BOD1L1: variants seen among roughly 807,000 people sequenced by gnomAD.
The protein encoded by BOD1L1 is biorientation of chromosomes in cell division 1 like 1, also known as biorientation of chromosomes in cell division protein 1-like 1.
In BOD1L1, 86 loss-of-function variants were observed where a neutral mutation model predicts 240.7. That is an observed-to-expected ratio of 0.36 (90% confidence interval 0.30 to 0.43). The LOEUF (loss-of-function observed/expected upper bound fraction) is 0.43. BOD1L1 is among the 20% of genes least tolerant of loss of function. BOD1L1 has a pLI of 1.00. For missense variants in BOD1L1, 3,554 were observed against 3,643.5 expected (o/e 0.98, Z 0.63); for synonymous variants, 1,268 against 1,272.3 (o/e 1.00, Z 0.07).
In BOD1L1 at chr4:13,600,429, G is replaced by A; in HGVS notation, c.6471C>T (p.Ser2157=). 6.2e-7 allele frequency: 1 copy of A among 1,613,892 alleles called. No individual in the cohort carries two copies. Among genetic ancestry groups the A allele is most frequent in the Non-Finnish European group, 8.5e-7 (1 of 1,179,886 alleles). The stretch of plus-strand genomic sequence containing the variant: ...CAGCACACTTGATGGTTGTTGCACT[G>A]GAGATAGGCAATTCGAATTCTTCCC... ...SIGEEFELPI[S]SATTIKCAES... is the part of the protein sequence containing the mutation. Residue 2157 remains serine, a synonymous_variant, in exon 10 of 26, where the codon TCC becomes TCT. Transcript: ENST00000040738.
intron 2 of BOD1L1, among the ~76,000 whole-genome samples, chr4:13,619,123 G>T (rs994852321): frequency 6.6e-6 from 1 of 151,992 alleles, no homozygotes; most frequent in African/African-American, 2.4e-5. Context: ...AGGATTTGGA[G>T]ACCAGTCTGG....
chr4:13,588,105 G>A (rs548390117), intron 15 of BOD1L1, among the ~76,000 whole-genome samples: 15 of 151,154 alleles, frequency 9.9e-5, no homozygotes, highest in African/African-American at 2.7e-4. Context: ...GGAGAATGGC[G>A]TGAACCCCGG....
rs773695033 is a variant in BOD1L1 at position 13,570,135 on chromosome 4, T to G, written c.9039-7A>C. On this transcript the variant is annotated splice_region_variant and splice_polypyrimidine_tract_variant and intron_variant, in intron 25 of 25. Coordinates refer to ENST00000040738, the MANE Select transcript of BOD1L1 (RefSeq NM_148894.3). The stretch of plus-strand genomic sequence containing the variant: ...GGAGAGCTGTGTCTTTGATCTGCAT[T>G]AAGCAAAGTCAAGGCAATGGTGAGG... The G allele has an allele frequency of 3.2e-6, 5 of 1,558,192 alleles. No homozygotes were observed. Among genetic ancestry groups the G allele is most frequent in the Non-Finnish European group, 4.3e-6 (5 of 1,156,004 alleles).
chr4:13,600,016 G>C lies in BOD1L1; in HGVS notation c.6884C>G (p.Thr2295Arg). Residue 2295 changes from threonine to arginine, a missense_variant, in exon 10 of 26, where the codon ACA (threonine) becomes AGA (arginine). Coordinates refer to ENST00000040738, the MANE Select transcript of BOD1L1 (RefSeq NM_148894.3). ...EEMGDTAMISTSTSEGCEAVM... is the reference protein window; with the variant it reads ...EEMGDTAMISRSTSEGCEAVM... Reference sequence around the variant, plus strand: ...TGCTTCACACCCTTCAGAGGTGCTTGTGGAAATCATGGCGGTGTCACCCAT... The same window carrying C: ...TGCTTCACACCCTTCAGAGGTGCTTCTGGAAATCATGGCGGTGTCACCCAT... 2 of 1,610,364 alleles carry C rather than the reference G, an allele frequency of 1.2e-6. No homozygotes were observed. Among genetic ancestry groups the C allele is most frequent in the South Asian group, 1.1e-5 (1 of 90,314 alleles).
In BOD1L1 at chr4:13,601,713, A is replaced by G. The variant is rs1715193358; in HGVS notation, c.5187T>C (p.Cys1729=). ...TATCACTTCTGCCTTCTGCTCCTGTACATGTCACAGTGCCCTCTGTTTCTT... is the reference window on the plus strand; with the variant it reads ...TATCACTTCTGCCTTCTGCTCCTGTGCATGTCACAGTGCCCTCTGTTTCTT... ...PKKETEGTVT[C]TGAEGRSDNF... The change falls in exon 10 of 26, where the codon TGT becomes TGC. Residue 1729 remains cysteine, a synonymous_variant. Coordinates refer to ENST00000040738, the MANE Select transcript of BOD1L1 (RefSeq NM_148894.3). The G allele has an allele frequency of 6.2e-7, 1 of 1,613,868 alleles. No homozygotes were observed. Among genetic ancestry groups the G allele is most frequent in the African/African-American group, 1.3e-5 (1 of 74,914 alleles).
Position 13,598,689 on chromosome 4 carries a change from G to A in BOD1L1, c.7954+257C>T, listed in dbSNP as rs528913688. On this transcript the variant is annotated intron_variant, in intron 10 of 25. Coordinates refer to ENST00000040738, the MANE Select transcript of BOD1L1 (RefSeq NM_148894.3). ...TAACATGTGGACTTCCCATGCCTCA[G>A]CCTCCTGCTTTTTCTCTCCCCACAC... Among the ~76,000 whole-genome samples, 21 of 152,258 alleles carry A rather than the reference G, an allele frequency of 1.4e-4. 1 individual carries two copies. In the South Asian group the frequency reaches 4.4e-3, roughly 32 times the overall value.
rs1421934881 is a variant in BOD1L1, at chr4:13,603,894, C to T, written c.3006G>A (p.Lys1002=). 2 of 1,613,808 alleles carry T rather than the reference C, an allele frequency of 1.2e-6. No homozygotes were observed. Among genetic ancestry groups the T allele is most frequent in the Admixed American group, 1.7e-5 (1 of 60,014 alleles). Residue 1002 remains lysine (K), a synonymous_variant, in exon 10 of 26, where the codon AAG becomes AAA. Coordinates refer to ENST00000040738, the MANE Select transcript of BOD1L1 (RefSeq NM_148894.3). ...AKLPLAKEKY[K]SDKDSTSTRL... ...TGGTGGAAGTGGAGTCTTTATCACT[C>T]TTATATTTCTCCTTTGCTAATGGTA...
chr4:13,620,150 A>G, intron 1 of BOD1L1, 83 bp from the exon 2 acceptor site: 5 of 1,375,276 alleles, frequency 3.6e-6, no homozygotes, highest in Non-Finnish European at 4.9e-6. Flanking sequence ...TTACCATGGG[A>G]CAACAAAGTT....
At chr4:13,585,289 T>A (rs1427095417) in intron 17 of BOD1L1, among the ~76,000 whole-genome samples, 5 of 152,202 alleles carry the variant, frequency 3.3e-5, no homozygotes, top group African/African-American at 1.2e-4. Context: ...AAAGTCTGGT[T>A]TTAGAGAACT....
rs1258568969 is a variant in BOD1L1, at chr4:13,613,930, T to A, written c.1174+266A>T. 1.3e-5 allele frequency among the ~76,000 whole-genome samples: 2 copies of A among 152,160 alleles called. No homozygotes were observed. The highest frequency in any genetic ancestry group is 2.9e-5 in the Non-Finnish European group (2 of 68,028). ...CCTAATAAAAATTAGGATATCCAAC[T>A]ATGAACTAAGTTGCTTAAAATAATG... is the stretch of plus-strand genomic sequence containing the variant. On this transcript the variant is annotated intron_variant, in intron 4 of 25. Coordinates refer to ENST00000040738, the MANE Select transcript of BOD1L1 (RefSeq NM_148894.3). The surrounding 1 kb of genome is among the most constrained non-coding windows in gnomAD (Gnocchi z 4.0).
intron 12 of BOD1L1, 69 bp from the exon 13 acceptor site, chr4:13,592,035 G>T: frequency 7.8e-7 from 1 of 1,276,154 alleles, no homozygotes; most frequent in South Asian, 1.4e-5. Flanking sequence ...AAACAAATTT[G>T]AAGATTTTTA....
Position 13,603,879 on chromosome 4 carries a change from G to A in BOD1L1, c.3021C>T (p.Ser1007=), listed in dbSNP as rs1715440497. ...AKEKYKSDKD[S]TSTRLERKLS... ...ACTTTCTCTCAAGCCTGGTGGAAGT[G>A]GAGTCTTTATCACTCTTATATTTCT... Residue 1007 remains serine, a synonymous_variant, in exon 10 of 26, where the codon TCC becomes TCT. Transcript: ENST00000040738. The A allele has an allele frequency of 6.2e-7, 1 of 1,613,626 alleles. No homozygotes were observed. Among genetic ancestry groups the A allele is most frequent in the Non-Finnish European group, 8.5e-7 (1 of 1,179,862 alleles).
At chr4:13,575,825 T>C (rs1712668148) in intron 25 of BOD1L1, among the ~76,000 whole-genome samples, 2 of 151,480 alleles carry the variant, frequency 1.3e-5, no homozygotes, top group African/African-American at 2.4e-5. Flanking sequence ...AACAGAAAAG[T>C]GGTATCAGCA....
intron 25 of BOD1L1, among the ~76,000 whole-genome samples, 153 bp from the exon 26 acceptor site, chr4:13,570,281 A>C (rs1712107557): frequency 1.3e-5 from 2 of 152,270 alleles, no homozygotes. Context: ...CTACCTCGCG[A>C]AGAGCTTGAA....
chr4:13,594,940 A>G (rs141174226), intron 12 of BOD1L1, among the ~76,000 whole-genome samples: 1 of 152,152 alleles, frequency 6.6e-6, no homozygotes, highest in African/African-American at 2.4e-5. Context: ...CAAAAACCCA[A>G]CCGTCTATCT....
At chr4:13,582,357 C>A in intron 18 of BOD1L1, 47 bp from the exon 19 acceptor site, 1 of 1,449,902 alleles carries the variant, frequency 6.9e-7, no homozygotes, top group Non-Finnish European at 9.6e-7. Context: ...CCATGGTCAG[C>A]CTTCCCCACC....
In BOD1L1 at chr4:13,627,600, C is replaced by G. The variant is rs1043586806; in HGVS notation, c.-13G>C. The G allele has an allele frequency of 5.6e-5, 64 of 1,148,818 alleles. No individual in the cohort carries two copies. In the African/African-American group the frequency reaches 9.7e-4, roughly 17 times the overall value. 71.2% of individuals were successfully genotyped at this position (1,148,818 alleles called of 1,614,324 possible). On this transcript the variant is annotated 5_prime_UTR_variant, in exon 1 of 26. Transcript: ENST00000040738. ...GGTTGGTGGCCATGGTGGCCTGTGCCGGGGAGGGCAAGGGCCCTGACCGGC... is the reference window on the plus strand; with the variant it reads ...GGTTGGTGGCCATGGTGGCCTGTGCGGGGGAGGGCAAGGGCCCTGACCGGC...
intron 13 of BOD1L1, among the ~76,000 whole-genome samples, chr4:13,591,158 A>G (rs1714180329): frequency 6.6e-6 from 1 of 152,032 alleles, no homozygotes; most frequent in Non-Finnish European, 1.5e-5. Context: ...TCCCACCTCA[A>G]CTTCCTCAGT....
In BOD1L1 at chr4:13,604,122, T is replaced by C. The variant is rs1715466013; in HGVS notation, c.2778A>G (p.Thr926=). The change falls in exon 10 of 26, where the codon ACA becomes ACG. Residue 926 remains threonine (T), a synonymous_variant. Transcript: ENST00000040738. ...GTTTTGTGGCACCTTCTTGTAATTCTGTTTCTACAACTTTTACCTGTTTGC... is the reference window on the plus strand; with the variant it reads ...GTTTTGTGGCACCTTCTTGTAATTCCGTTTCTACAACTTTTACCTGTTTGC... The part of the protein sequence containing the change: ...TQGKQVKVVE[T]ELQEGATKQA... 1 of 1,613,752 alleles carries C rather than the reference T, an allele frequency of 6.2e-7. No individual in the cohort carries two copies.
Sources: allele counts gnomAD v4.1 joint callset (sites outside exome capture counted in the v4.1 genomes callset), GRCh38; gene constraint gnomAD v4.1.1; non-coding constraint Gnocchi (gnomAD v3.1); transcripts MANE v1.5; gene names NCBI Gene and HGNC (gene_info 2026-07-23, HGNC 2026-07-21).